RRP1B: variants seen among roughly 807,000 people sequenced by gnomAD.
The protein encoded by RRP1B is ribosomal RNA processing protein 1 homolog B.
In RRP1B, 56 loss-of-function variants were observed where a neutral mutation model predicts 80.2. The ratio of observed to expected loss-of-function variants is 0.70; its 90% CI spans 0.56 to 0.87. The LOEUF (loss-of-function observed/expected upper bound fraction) is 0.87, where lower values mean the gene tolerates loss of function less well. Among genes scored for constraint, RRP1B ranks in the 40% least tolerant of loss-of-function variants. The pLI is 0.00. For missense variants in RRP1B, 807 were observed against 939.8 expected (o/e 0.86, Z 1.85); for synonymous variants, 351 against 357.6 (o/e 0.98, Z 0.21).
chr21:43,663,390 C>A (rs190326774), intron 1 of RRP1B, among the ~76,000 whole-genome samples: 3 of 152,090 alleles, frequency 2.0e-5, no homozygotes, highest in African/African-American at 7.2e-5. Context: ...CTCACCCTCC[C>A]GAGTAGCGAG....
intron 15 of RRP1B, among the ~76,000 whole-genome samples, chr21:43,692,196 CT>C (rs960046942): frequency 3.6e-4 from 55 of 152,258 alleles, no homozygotes; most frequent in African/African-American, 1.2e-3. Context: ...CTCTGCGAAA[CT>C]TCGGAACCAC....
chr21:43,688,910 C>T (rs1029600918), intron 13 of RRP1B, among the ~76,000 whole-genome samples: 2 of 152,232 alleles, frequency 1.3e-5, no homozygotes, highest in African/African-American at 4.8e-5. Context: ...CTGCCTCTGC[C>T]TCCCAAGTAG....
chr21:43,683,249 A>G (rs564738691), intron 8 of RRP1B, 30 bp from the exon 9 acceptor site: 2 of 1,555,768 alleles, frequency 1.3e-6, no homozygotes, highest in South Asian at 1.1e-5. Context: ...TGATATGTCA[A>G]TAATTTGGTC....
intron 13 of RRP1B, 45 bp downstream of exon 13, chr21:43,688,285 A>G: frequency 6.8e-7 from 1 of 1,480,318 alleles, no homozygotes; most frequent in East Asian, 2.5e-5. Flanking sequence ...AGAGGCACTC[A>G]CTCGCGTCCA....
chr21:43,674,930 T>C, intron 5 of RRP1B, 104 bp from the exon 6 acceptor site: 1 of 1,432,326 alleles, frequency 7.0e-7, no homozygotes, highest in East Asian at 2.3e-5. Flanking sequence ...CTTGCATTGA[T>C]TGTTAGGCTG....
chr21:43,686,562 C>T (rs2083063817), intron 11 of RRP1B: 3 of 424,356 alleles, frequency 7.1e-6, no homozygotes, highest in Non-Finnish European at 8.6e-6. Context: ...GCCAAGCGTC[C>T]GGGGTCCAGC....
At chr21:43,674,610 T>TTTTTA (rs2083013698) in intron 4 of RRP1B, 26 bp from the exon 5 acceptor site, 3 of 1,455,276 alleles carry the variant, frequency 2.1e-6, no homozygotes, top group Non-Finnish European at 2.8e-6. Context: ...TTTTTTTTTT[T>TTTTTA]TTAAACAAAA....
At chr21:43,683,751 G>A (rs1029380874) in intron 9 of RRP1B, among the ~76,000 whole-genome samples, 15 of 151,284 alleles carry the variant, frequency 9.9e-5, no homozygotes, top group Non-Finnish European at 2.1e-4. Flanking sequence ...AGGCCCAGGC[G>A]GGCAGATCAC....
chr21:43,687,813 C>T lies in RRP1B; in HGVS notation c.1439C>T (p.Pro480Leu), dbSNP rs760858399. Residue 480 changes from proline to leucine, a missense_variant, in exon 13 of 16, where the codon CCG (proline) becomes CTG (leucine). Coordinates refer to ENST00000340648, the MANE Select transcript of RRP1B (RefSeq NM_015056.3). The stretch of plus-strand genomic sequence containing the variant: ...AGGAAACGGCCACGGAAGAAGAGCC[C>T]GAGGGCCCACAGGGAAATGTTGGAA... ...NKRKRPRKKS[P>L]RAHREMLESA... 2.9e-5 allele frequency: 47 copies of T among 1,613,112 alleles called. No homozygotes were observed. The highest frequency in any genetic ancestry group is 6.7e-5 in the Admixed American group (4 of 60,008).
chr21:43,687,011 T>C, intron 12 of RRP1B, 76 bp downstream of exon 12: 3 of 1,493,778 alleles, frequency 2.0e-6, no homozygotes, highest in Non-Finnish European at 2.7e-6. Context: ...CCTCGGAGAC[T>C]TGAGCTCGTG....
At chr21:43,676,369 C>T (rs146161894) in intron 7 of RRP1B, 33 bp downstream of exon 7, 36 of 1,544,904 alleles carry the variant, frequency 2.3e-5, no homozygotes, top group Middle Eastern at 3.4e-4. Flanking sequence ...CCTCCTGCTC[C>T]GTGGCATTTG....
chr21:43,688,173 G>A lies in RRP1B; in HGVS notation c.1799G>A (p.Arg600Lys), dbSNP rs2083071977. Residue 600 changes from arginine (R) to lysine (K), a missense_variant, in exon 13 of 16, where the codon AGA becomes AAA. Arg to Lys is a conservative substitution (Grantham distance 26). Coordinates refer to ENST00000340648, the MANE Select transcript of RRP1B (RefSeq NM_015056.3). The stretch of plus-strand genomic sequence containing the variant: ...AGTTTGAAAAAGAGGAAGAAAATGA[G>A]AGTGATGTCAAACTTGGTGGAGCAC... ...TASLKKRKKM[R>K]VMSNLVEHNG... 6.3e-7 allele frequency: 1 copy of A among 1,576,516 alleles called. No individual in the cohort carries two copies. The highest frequency in any genetic ancestry group is 8.6e-7 in the Non-Finnish European group (1 of 1,160,274).
At chr21:43,679,236 T>C (rs2083034120) in intron 8 of RRP1B, among the ~76,000 whole-genome samples, 1 of 142,982 alleles carries the variant, frequency 7.0e-6, no homozygotes, top group Non-Finnish European at 1.5e-5. Context: ...GTGTCTTTTT[T>C]TTTTTGGTGT....
rs531418430 is a variant in RRP1B at position 43,690,365 on chromosome 21, C to A, written c.1944C>A (p.Pro648=). ...AESDFVKFDT[P]FLPKPLFFRR... ...GCGACTTTGTGAAGTTTGACACCCC[C>A]TTCTTACCAAAGCCCCTGTTCTTCA... Residue 648 remains proline (P), a synonymous_variant, in exon 14 of 16, where the codon CCC becomes CCA. Coordinates refer to ENST00000340648, the MANE Select transcript of RRP1B (RefSeq NM_015056.3). The A allele has an allele frequency of 5.6e-6, 9 of 1,614,224 alleles. No homozygotes were observed. The South Asian group carries it at 9.9e-5, about 18-fold the overall frequency.
In RRP1B at chr21:43,691,664, C is replaced by CT. The variant is rs975935093; in HGVS notation, c.2083+163dup. Among the ~76,000 whole-genome samples the CT allele has an allele frequency of 7.0e-6, 1 of 143,650 alleles. No individual in the cohort carries two copies. The highest frequency in any genetic ancestry group is 7.2e-5 in the Admixed American group (1 of 13,892). 94.2% of individuals were successfully genotyped at this position (143,650 alleles called of 152,430 possible). ...TTTTTTTTTTTTTTTGAGACAGAGT[C>CT]TCGCTGCTCTGTCACCCAGGCTGCA... On this transcript the variant is annotated intron_variant, in intron 15 of 15. Coordinates refer to ENST00000340648, the MANE Select transcript of RRP1B (RefSeq NM_015056.3). The surrounding 1 kb of genome is among the most constrained non-coding windows in gnomAD (Gnocchi z 4.2).
At chr21:43,676,031 G>A (rs557006325) in intron 6 of RRP1B, among the ~76,000 whole-genome samples, 1 of 152,222 alleles carries the variant, frequency 6.6e-6, no homozygotes, top group African/African-American at 2.4e-5. Flanking sequence ...GATAGTGCAG[G>A]TCAGGCTGGG....
chr21:43,669,204 A>G (rs2082990027), intron 1 of RRP1B, among the ~76,000 whole-genome samples: 1 of 152,100 alleles, frequency 6.6e-6, no homozygotes, highest in Non-Finnish European at 1.5e-5. Flanking sequence ...TCACCGTTGC[A>G]GGGAGGGTGA....
intron 1 of RRP1B, among the ~76,000 whole-genome samples, chr21:43,661,309 G>A (rs533829961): frequency 6.6e-6 from 1 of 152,040 alleles, no homozygotes; most frequent in Admixed American, 6.5e-5. Flanking sequence ...TCTCTACCTG[G>A]CACCTCACAC....
At chr21:43,692,104 C>G (rs1000891288) in intron 15 of RRP1B, among the ~76,000 whole-genome samples, 8 of 152,134 alleles carry the variant, frequency 5.3e-5, no homozygotes, top group Admixed American at 5.2e-4. Flanking sequence ...AAGCCGTTTT[C>G]CCAAGTGTCT....
Sources: gnomAD v4.1 joint callset for allele counts (sites outside exome capture counted in the v4.1 genomes callset) on GRCh38, gnomAD v4.1.1 for gene constraint, Gnocchi (gnomAD v3.1) non-coding constraint, MANE v1.5 for transcripts, NCBI Gene and HGNC (gene_info 2026-07-23, HGNC 2026-07-21) for gene names.